CCSER1: variants seen among roughly 807,000 people sequenced by gnomAD.
CCSER1 encodes serine-rich coiled-coil domain-containing protein 1.
In CCSER1, 41 loss-of-function variants were observed where a neutral mutation model predicts 82.0. The ratio of observed to expected loss-of-function variants is 0.50; its 90% confidence interval spans 0.39 to 0.65. CCSER1 has a LOEUF of 0.65. CCSER1 is among the 30% of genes least tolerant of loss of function. CCSER1 has a pLI of 0.00. For synonymous variants in CCSER1, 414 were observed against 383.9 expected, an observed-to-expected ratio of 1.08 and a Z score of -0.92; for missense variants, 1,119 against 1,064.2, an observed-to-expected ratio of 1.05 and a Z score of -0.72.
intron 6 of CCSER1, among the ~76,000 whole-genome samples, chr4:90,660,461 T>G (rs1730562837): frequency 5.9e-5 from 9 of 152,076 alleles, no homozygotes; most frequent in Admixed American, 3.9e-4. Context: ...TTAAAATTTT[T>G]GGGAATATTA....
At chr4:90,858,227 T>G (rs1022308022) in intron 8 of CCSER1, among the ~76,000 whole-genome samples, 1 of 152,040 alleles carries the variant, frequency 6.6e-6, no homozygotes, top group Non-Finnish European at 1.5e-5. Context: ...TCTTATTGCT[T>G]CAAATAGTAG....
intron 7 of CCSER1, among the ~76,000 whole-genome samples, chr4:90,814,718 G>T (rs533053408): frequency 8.7e-4 from 132 of 152,246 alleles, no homozygotes; most frequent in Middle Eastern, 3.4e-3. Flanking sequence ...ATGGCACCAG[G>T]CTCTTTGCTA....
chr4:90,284,244 T>A (rs1663408993), intron 1 of CCSER1, among the ~76,000 whole-genome samples: 1 of 152,180 alleles, frequency 6.6e-6, no homozygotes, highest in Admixed American at 6.6e-5. Flanking sequence ...TATGGGTAGT[T>A]TGCAAATATA....
At position 91,600,157 on chromosome 4, in the gene CCSER1, T is replaced by C. The variant is rs1702038925; in HGVS notation, c.*1100T>C. 6.6e-6 allele frequency: 1 copy of C among 152,136 alleles called. No individual in the cohort carries two copies. Among genetic ancestry groups the C allele is most frequent in the Non-Finnish European group, 1.5e-5 (1 of 68,014 alleles). The allele number at this position is 152,136 out of a possible 1,614,324, so 9.4% of individuals were successfully genotyped here. On this transcript the variant is annotated 3_prime_UTR_variant, in exon 11 of 11. Coordinates refer to ENST00000509176, the MANE Select transcript of CCSER1 (RefSeq NM_001145065.2). Reference sequence around the variant, plus strand: ...CAATTTAATCTTAGAAATAAGCTTCTAACAGGAATATTTAAAACCCATTTG... The same window carrying C: ...CAATTTAATCTTAGAAATAAGCTTCCAACAGGAATATTTAAAACCCATTTG...
chr4:90,654,346 C>A (rs1051121363), intron 6 of CCSER1, among the ~76,000 whole-genome samples: 2 of 152,032 alleles, frequency 1.3e-5, no homozygotes, highest in East Asian at 1.9e-4. Context: ...AAAAAGGAAT[C>A]CTTATTACTT....
chr4:90,538,881 A>C (rs1775753012), intron 5 of CCSER1, among the ~76,000 whole-genome samples: 1 of 152,008 alleles, frequency 6.6e-6, no homozygotes, highest in Non-Finnish European at 1.5e-5. Context: ...ATTTTAAATT[A>C]TTTTTCCAGT....
intron 1 of CCSER1, among the ~76,000 whole-genome samples, chr4:90,271,475 A>G (rs1274040301): frequency 6.6e-6 from 1 of 152,124 alleles, no homozygotes; most frequent in African/African-American, 2.4e-5. Context: ...CTCTTACCAT[A>G]TACAAAAATC....
chr4:91,142,696 G>C (rs1046666806), intron 10 of CCSER1, among the ~76,000 whole-genome samples: 3 of 152,112 alleles, frequency 2.0e-5, no homozygotes, highest in Admixed American at 6.6e-5. Context: ...TCTTCTGCAT[G>C]TAGTTAGCCA....
intron 9 of CCSER1, among the ~76,000 whole-genome samples, chr4:90,931,810 C>A (rs896784998): frequency 6.6e-6 from 1 of 152,172 alleles, no homozygotes; most frequent in Non-Finnish European, 1.5e-5. Flanking sequence ...TGTTTTTCAG[C>A]TACTTGATTA....
At chr4:91,162,316 T>C (rs9683729) in intron 10 of CCSER1, among the ~76,000 whole-genome samples, 3,035 of 152,338 alleles carry the variant, frequency 0.02, 89 homozygotes, top group African/African-American at 0.067. Context: ...TTAGATGTGC[T>C]GCCTGATTCG....
chr4:90,557,696 A>C (rs1778297057), intron 5 of CCSER1, among the ~76,000 whole-genome samples: 1 of 152,136 alleles, frequency 6.6e-6, no homozygotes, highest in Non-Finnish European at 1.5e-5. Flanking sequence ...AATGTTTATC[A>C]TTATTTCCCT....
chr4:91,535,692 AGTGAAAAC>A (rs1018751892), intron 10 of CCSER1, among the ~76,000 whole-genome samples: 4 of 150,536 alleles, frequency 2.7e-5, no homozygotes, highest in East Asian at 3.9e-4. Context: ...GAAAAGAAAC[AGTGAAAAC>A]ATGTGATAGT....
At chr4:91,383,163 T>C (rs985714999) in intron 10 of CCSER1, among the ~76,000 whole-genome samples, 1 of 152,210 alleles carries the variant, frequency 6.6e-6, no homozygotes, top group East Asian at 1.9e-4. Context: ...ATTCACTTCA[T>C]TGCAGTCATC....
At chr4:90,564,160 T>C (rs979293956) in intron 5 of CCSER1, among the ~76,000 whole-genome samples, 1 of 152,212 alleles carries the variant, frequency 6.6e-6, no homozygotes, top group African/African-American at 2.4e-5. Context: ...TATACTCATT[T>C]ATTTATTTAA....
intron 10 of CCSER1, among the ~76,000 whole-genome samples, chr4:91,338,475 A>G (rs1239153313): frequency 6.6e-6 from 1 of 152,174 alleles, no homozygotes; most frequent in Non-Finnish European, 1.5e-5. Flanking sequence ...TCTAATATTT[A>G]TTAGGTGAGG....
intron 1 of CCSER1, among the ~76,000 whole-genome samples, chr4:90,158,100 C>T (rs1202771880): frequency 1.3e-5 from 2 of 152,202 alleles, no homozygotes; most frequent in Non-Finnish European, 2.9e-5. Flanking sequence ...ACAGACAGGA[C>T]CCTCAGCTGC....
At chr4:90,830,846 CAT>C (rs1171619267) in intron 8 of CCSER1, among the ~76,000 whole-genome samples, 11 of 152,162 alleles carry the variant, frequency 7.2e-5, no homozygotes, top group South Asian at 2.1e-4. Context: ...TAAAAAGTGA[CAT>C]ATGTGTATTT....
intron 5 of CCSER1, among the ~76,000 whole-genome samples, chr4:90,541,977 A>G (rs554456724): frequency 8.3e-4 from 126 of 152,104 alleles, no homozygotes; most frequent in Non-Finnish European, 1.6e-3. Flanking sequence ...TGAGAATCAG[A>G]TACTTATCAA....
At chr4:90,708,348 G>C (rs1739798984) in intron 6 of CCSER1, among the ~76,000 whole-genome samples, 1 of 152,192 alleles carries the variant, frequency 6.6e-6, no homozygotes, top group Non-Finnish European at 1.5e-5. Flanking sequence ...CACGTTCTCT[G>C]CATGTGATCC....
Sources: allele counts gnomAD v4.1 joint callset (sites outside exome capture counted in the v4.1 genomes callset), GRCh38; gene constraint gnomAD v4.1.1; transcripts MANE v1.5; gene names NCBI Gene and HGNC (gene_info 2026-07-23, HGNC 2026-07-21).